The following NCAPG variants were observed in gnomAD, a reference collection of about 807,000 sequenced individuals.
The protein encoded by NCAPG is condensin complex subunit 3.
NCAPG carries 69 observed loss-of-function variants against 113.1 expected under a neutral mutation model. That is an observed-to-expected ratio of 0.61 (90% CI 0.50 to 0.75). The LOEUF is 0.75. Among genes scored for constraint, NCAPG ranks in the 30% least tolerant of loss-of-function variants. NCAPG has a pLI of 0.00. For missense variants in NCAPG, 1,058 were observed against 1,177.0 expected (o/e 0.90, Z 1.48); for synonymous variants, 370 against 415.8 (o/e 0.89, Z 1.34).
intron 12 of NCAPG, among the ~76,000 whole-genome samples, chr4:17,829,545 G>A (rs1044438333): frequency 1.4e-4 from 22 of 152,024 alleles, no homozygotes; most frequent in African/African-American, 5.3e-4. Flanking sequence ...TATATATGTG[G>A]GAAAGGATAT....
chr4:17,811,255 C>T lies in NCAPG; in HGVS notation c.111+67C>T. On this transcript the variant is annotated intron_variant, in intron 1 of 20. Coordinates refer to ENST00000251496, the MANE Select transcript of NCAPG (RefSeq NM_022346.5). This position sits in a 1 kb window ranked among gnomAD's most constrained non-coding sequence, Gnocchi z 5.3. Reference sequence around the variant, plus strand: ...GGCCCACCCTCCCTCAGGGGCCCTCCGTGGCCCTCGGGCTCGGCGCACCGT... The same window carrying T: ...GGCCCACCCTCCCTCAGGGGCCCTCTGTGGCCCTCGGGCTCGGCGCACCGT... The T allele has an allele frequency of 1.0e-6, 1 of 994,490 alleles. No homozygotes were observed. Among genetic ancestry groups the T allele is most frequent in the Non-Finnish European group, 1.4e-6 (1 of 707,168 alleles). The allele number at this position is 994,490 out of a possible 1,614,324, so 61.6% of individuals were successfully genotyped here. A position where few individuals can be genotyped will look rare whatever the true frequency, so the allele number is the denominator to read the frequency against.
At chr4:17,838,597 G>A (rs554940892) in intron 16 of NCAPG, among the ~76,000 whole-genome samples, 18 of 152,234 alleles carry the variant, frequency 1.2e-4, no homozygotes, top group African/African-American at 4.1e-4. Context: ...GAGTGGTTTG[G>A]GTAGAGGAAG....
At chr4:17,837,506 C>G in intron 15 of NCAPG, 121 bp from the exon 16 acceptor site, 1 of 1,320,558 alleles carries the variant, frequency 7.6e-7, no homozygotes, top group Non-Finnish European at 1.0e-6. Context: ...GAATTTTTGG[C>G]TCTTTCCTAG....
At chr4:17,825,238 T>C (rs938050180) in intron 10 of NCAPG, 144 bp from the exon 11 acceptor site, 110 of 812,832 alleles carry the variant, frequency 1.4e-4, no homozygotes, top group Middle Eastern at 3.5e-4. Flanking sequence ...TGCAGATCTC[T>C]GTGTCAGGAA....
chr4:17,843,538 C>T lies in NCAPG; in HGVS notation c.*113C>T, dbSNP rs1366703201. ...AACCTGATGTCTTTCTGAAGATTTT[C>T]TGCTGTGCGCTTCCACGTTACTTTG... is the stretch of plus-strand genomic sequence containing the variant. On this transcript the variant is annotated 3_prime_UTR_variant, in exon 21 of 21. Transcript: ENST00000251496. 1 of 1,189,882 alleles carries T rather than the reference C, an allele frequency of 8.4e-7. No individual in the cohort carries two copies. Among genetic ancestry groups the T allele is most frequent in the East Asian group, 2.4e-5 (1 of 40,984 alleles). 73.7% of individuals were successfully genotyped at this position (1,189,882 alleles called of 1,614,324 possible).
At chr4:17,823,347 T>G (rs1469800639) in intron 8 of NCAPG, among the ~76,000 whole-genome samples, 6 of 152,298 alleles carry the variant, frequency 3.9e-5, no homozygotes, top group East Asian at 1.9e-4. Context: ...GGTTAAAAGT[T>G]TCTGTTTAGA....
intron 6 of NCAPG, among the ~76,000 whole-genome samples, 198 bp from the exon 7 acceptor site, chr4:17,817,741 C>T (rs1208822866): frequency 1.3e-5 from 2 of 152,118 alleles, no homozygotes; most frequent in Non-Finnish European, 2.9e-5. Flanking sequence ...AACATGCACC[C>T]CTAGTATATG....
At position 17,810,983 on chromosome 4, in the gene NCAPG, T is replaced by G; in HGVS notation, c.-95T>G. ...CGGTAAATACTCCCTGGGGCTGTCA[T>G]AGAAGACTACTCGGAGAGCGCTGCC... On this transcript the variant is annotated 5_prime_UTR_variant, in exon 1 of 21. Coordinates refer to ENST00000251496, the MANE Select transcript of NCAPG (RefSeq NM_022346.5). The G allele has an allele frequency of 1.5e-6, 1 of 649,618 alleles. No homozygotes were observed. 40.2% of individuals were successfully genotyped at this position (649,618 alleles called of 1,614,324 possible). A position where few individuals can be genotyped will look rare whatever the true frequency, so the allele number is the denominator to read the frequency against.
At chr4:17,822,892 G>A in intron 7 of NCAPG, 91 bp from the exon 8 acceptor site, 1 of 1,031,922 alleles carries the variant, frequency 9.7e-7, no homozygotes, top group Admixed American at 3.2e-5. Flanking sequence ...AATATGACCT[G>A]AAAATGGCCC....
At position 17,844,367 on chromosome 4, in the gene NCAPG, T is replaced by C. The variant is rs1232004051; in HGVS notation, c.*942T>C. On this transcript the variant is annotated 3_prime_UTR_variant, in exon 21 of 21. Transcript: ENST00000251496. ...ATTCAGAAATGTCCTAACATGGATCTGTTTGTTTTAATAATTGTGCTTTTT... is the reference window on the plus strand; with the variant it reads ...ATTCAGAAATGTCCTAACATGGATCCGTTTGTTTTAATAATTGTGCTTTTT... 6.6e-6 allele frequency: 1 copy of C among 152,452 alleles called. No homozygotes were observed. Among genetic ancestry groups the C allele is most frequent in the African/African-American group, 2.4e-5 (1 of 41,446 alleles). The allele number at this position is 152,452 out of a possible 1,614,324, so 9.4% of individuals were successfully genotyped here. A position where few individuals can be genotyped will look rare whatever the true frequency, so the allele number is the denominator to read the frequency against.
Position 17,825,478 on chromosome 4 carries a change from G to C in NCAPG, c.1570G>C (p.Glu524Gln). The change falls in exon 11 of 21, where the codon GAA (glutamate) becomes CAA (glutamine). Residue 524 changes from glutamate (E) to glutamine (Q), a missense_variant. By Grantham distance (29) the Glu-to-Gln change is conservative (BLOSUM62 2). Coordinates refer to ENST00000251496, the MANE Select transcript of NCAPG (RefSeq NM_022346.5). ...TAATCGGGCATCAGAATTAAAAGAA[G>C]AAATAAAAGCATTAGAAGATGCCAG... is the stretch of plus-strand genomic sequence containing the variant. The part of the protein sequence containing the change: ...DFNRASELKE[E>Q]IKALEDARIN... The C allele has an allele frequency of 6.2e-7, 1 of 1,609,572 alleles. No homozygotes were observed. Among genetic ancestry groups the C allele is most frequent in the Non-Finnish European group, 8.5e-7 (1 of 1,178,452 alleles).
rs916260263 is a variant in NCAPG at position 17,843,158 on chromosome 4, A to C, written c.2925-144A>C. ...AAGTCAGTGTTTTTTTGACATTGAG[A>C]TTTTAGTTTTAAGCTAAGTCAATGG... On this transcript the variant is annotated intron_variant, in intron 20 of 20. Transcript: ENST00000251496. 6.0e-6 allele frequency: 5 copies of C among 835,940 alleles called. No individual in the cohort carries two copies. In the African/African-American group the frequency reaches 6.9e-5, roughly 11 times the overall value. 51.8% of individuals were successfully genotyped at this position (835,940 alleles called of 1,614,324 possible).
intron 7 of NCAPG, among the ~76,000 whole-genome samples, chr4:17,821,713 C>G (rs900216811): frequency 6.6e-6 from 1 of 152,126 alleles, no homozygotes; most frequent in African/African-American, 2.4e-5. Context: ...ATCCTCCCGC[C>G]TCAACCCCCC....
chr4:17,828,183 G>A, intron 11 of NCAPG, 95 bp from the exon 12 acceptor site: 1 of 696,110 alleles, frequency 1.4e-6, no homozygotes, highest in South Asian at 2.0e-5. Context: ...TCTATATAGA[G>A]TGACAGTATG....
At chr4:17,831,182 T>C in intron 13 of NCAPG, 66 bp downstream of exon 13, 11 of 1,502,604 alleles carry the variant, frequency 7.3e-6, no homozygotes, top group Non-Finnish European at 1.0e-5. Context: ...ATAATGCTAA[T>C]ACTCTGAATT....
chr4:17,842,238 A>G, intron 19 of NCAPG, 72 bp from the exon 20 acceptor site: 2 of 1,288,206 alleles, frequency 1.6e-6, no homozygotes, highest in Non-Finnish European at 1.1e-6. Context: ...GGATTTAGTT[A>G]GCCTAGAAAC....
intron 14 of NCAPG, among the ~76,000 whole-genome samples, chr4:17,836,240 T>G (rs1722087121): frequency 6.6e-6 from 1 of 152,208 alleles, no homozygotes; most frequent in Non-Finnish European, 1.5e-5. Context: ...TTCATCTGCT[T>G]CTTGGCCATT....
In NCAPG at chr4:17,842,340, C is replaced by T. The variant is rs200488618; in HGVS notation, c.2885C>T (p.Thr962Met). 30 of 1,612,092 alleles carry T rather than the reference C, an allele frequency of 1.9e-5. No homozygotes were observed. The highest frequency in any genetic ancestry group is 2.4e-5 in the Non-Finnish European group (28 of 1,178,506). The change falls in exon 20 of 21, where the codon ACG becomes ATG. Residue 962 changes from threonine (T) to methionine (M), a missense_variant. Transcript: ENST00000251496. ...GQRKVTVSAR[T>M]NRRCQTAEAD... Reference sequence around the variant, plus strand: ...AGAAAAGTGACAGTTTCAGCTAGGACGAACAGGAGGTGTCAGACTGCTGAA... The same window carrying T: ...AGAAAAGTGACAGTTTCAGCTAGGATGAACAGGAGGTGTCAGACTGCTGAA...
intron 13 of NCAPG, among the ~76,000 whole-genome samples, 188 bp downstream of exon 13, chr4:17,831,304 C>T (rs191742970): frequency 4.1e-4 from 62 of 152,138 alleles, no homozygotes; most frequent in African/African-American, 1.3e-3. Context: ...GATGAAACGC[C>T]AATTATGTAA....
Sources: allele counts gnomAD v4.1 joint callset (sites outside exome capture counted in the v4.1 genomes callset), GRCh38; gene constraint gnomAD v4.1.1; non-coding constraint Gnocchi (gnomAD v3.1); transcripts MANE v1.5; gene names NCBI Gene and HGNC (gene_info 2026-07-23, HGNC 2026-07-21).